Variants in DLG3 observed in about 807,000 individuals in gnomAD.
DLG3 encodes the protein discs large MAGUK scaffold protein 3, also known as disks large homolog 3.
Under a neutral mutation model 64.1 loss-of-function variants are expected in DLG3, and 1 was observed. That is an observed-to-expected ratio of 0.02 (90% CI 0.01 to 0.07). The LOEUF (loss-of-function observed/expected upper bound fraction) is 0.07. DLG3 is among the 10% of genes least tolerant of loss of function. The pLI is 1.00. For missense variants in DLG3, 429 were observed against 669.5 expected (o/e 0.64, Z 3.96); for synonymous variants, 245 against 259.8 (o/e 0.94, Z 0.55).
chrX:70,480,833 C>A (rs190740712), intron 10 of DLG3, among the ~76,000 whole-genome samples: 25 of 112,195 alleles, frequency 2.2e-4, no homozygotes, highest in South Asian at 3.8e-4. Flanking sequence ...CTCCGCCTAT[C>A]CTGTGTTAGA....
intron 9 of DLG3, among the ~76,000 whole-genome samples, chrX:70,475,224 T>C (rs776731801): frequency 1.3e-3 from 146 of 111,784 alleles, no homozygotes; most frequent in Admixed American, 4.2e-3. Flanking sequence ...GCAGCATTGA[T>C]TGTAATATTA....
At chrX:70,448,168 T>C (rs920083804) in intron 1 of DLG3, among the ~76,000 whole-genome samples, 1 of 112,450 alleles carries the variant, frequency 8.9e-6, no homozygotes, top group African/African-American at 3.2e-5. Flanking sequence ...GAAAGAGGTA[T>C]AGAGTGAAGA....
chrX:70,446,918 G>A (rs1218291885), intron 1 of DLG3, among the ~76,000 whole-genome samples: 3 of 112,201 alleles, frequency 2.7e-5, no homozygotes, highest in Non-Finnish European at 3.8e-5. Flanking sequence ...GCAAAGGTGG[G>A]GACTTCCTGG....
At chrX:70,467,734 A>G (rs1460884631) in intron 9 of DLG3, among the ~76,000 whole-genome samples, 1 of 112,397 alleles carries the variant, frequency 8.9e-6, no homozygotes, top group East Asian at 2.8e-4. Flanking sequence ...CTTCTTATCA[A>G]GTGTACCCAC....
chrX:70,467,846 G>A (rs1196437276), intron 9 of DLG3, among the ~76,000 whole-genome samples: 1 of 111,532 alleles, frequency 9.0e-6, no homozygotes, highest in Non-Finnish European at 1.9e-5. Flanking sequence ...TGGCTTATGG[G>A]TTGCAAGAGC....
chrX:70,500,385 G>A (rs1156490875), intron 16 of DLG3, 86 bp from the exon 17 acceptor site: 5 of 758,686 alleles, frequency 6.6e-6, no homozygotes, highest in Non-Finnish European at 8.0e-6. Context: ...CCCCGGCCAA[G>A]GTGGATGTTT....
At chrX:70,467,355 G>T (rs2086902101) in intron 9 of DLG3, among the ~76,000 whole-genome samples, 1 of 112,024 alleles carries the variant, frequency 8.9e-6, no homozygotes, top group Admixed American at 9.5e-5. Flanking sequence ...CTGCATTTTT[G>T]AAGTACCACC....
At chrX:70,502,038 T>C in intron 18 of DLG3, 125 bp from the exon 19 acceptor site, 4 of 540,220 alleles carry the variant, frequency 7.4e-6, no homozygotes, top group South Asian at 2.6e-5. Flanking sequence ...TGGGAACATG[T>C]CCTTCATGTG....
chrX:70,494,478 A>G (rs1355139435), intron 12 of DLG3, among the ~76,000 whole-genome samples: 1 of 111,860 alleles, frequency 8.9e-6, no homozygotes, highest in Non-Finnish European at 1.9e-5. Flanking sequence ...TGTGTAAGTC[A>G]TTGCTATCTG....
rs758631454 is a variant in DLG3, at chrX:70,479,262, C to G, written c.1518C>G (p.Val506=). 29 of 1,191,049 alleles carry G rather than the reference C, an allele frequency of 2.4e-5. No homozygotes were observed. The highest frequency in any genetic ancestry group is 3.3e-5 in the Non-Finnish European group (29 of 877,721). ...CAAGTGAAAAGAGGTCCTTGTATGT[C>G]AGGTAAGTTGCCCTTCAGAGCACTA... is the stretch of plus-strand genomic sequence containing the variant. ...LRTSEKRSLY[V]RALFDYDRTR... The change falls in exon 10 of 19, where the codon GTC becomes GTG. Residue 506 remains valine, a splice_region_variant and synonymous_variant. Coordinates refer to ENST00000374360, the MANE Select transcript of DLG3 (RefSeq NM_021120.4).
At chrX:70,495,742 A>G (rs141847796) in intron 13 of DLG3, among the ~76,000 whole-genome samples, 1 of 111,935 alleles carries the variant, frequency 8.9e-6, no homozygotes, top group African/African-American at 3.2e-5. Context: ...GTAAGCTTGA[A>G]ATGTTTCTCC....
In DLG3 at chrX:70,501,413, C is replaced by CTGTCTGTGTGTGTGTG. The variant is rs1421730747; in HGVS notation, c.2347+427_2347+428insCTGTGTGTGTGTGTGT. ...TCTGTTGGGGTGTCTGTCTGTCTGTCTGTGTGTGTGTGTGTGTGTGTGTGT... is the reference window on the plus strand; with the variant it reads ...TCTGTTGGGGTGTCTGTCTGTCTGTCTGTCTGTGTGTGTGTGTGTGTGTGTGTGTGTGTGTGTGTGT... On this transcript the variant is annotated intron_variant, in intron 18 of 18. Coordinates refer to ENST00000374360, the MANE Select transcript of DLG3 (RefSeq NM_021120.4). 9.7e-3 allele frequency among the ~76,000 whole-genome samples: 910 copies of CTGTCTGTGTGTGTGTG among 93,798 alleles called. 8 individuals are homozygous for CTGTCTGTGTGTGTGTG. Among genetic ancestry groups the CTGTCTGTGTGTGTGTG allele is most frequent in the Middle Eastern group, 0.022 (4 of 182 alleles). 81.5% of individuals were successfully genotyped at this position (93,798 alleles called of 115,157 possible).
chrX:70,450,431 G>C, intron 5 of DLG3, 126 bp downstream of exon 5: 1 of 1,008,156 alleles, frequency 9.9e-7, no homozygotes, highest in Non-Finnish European at 1.3e-6. Context: ...GTTATCATCT[G>C]TGTTGTGTTT....
intron 9 of DLG3, among the ~76,000 whole-genome samples, chrX:70,461,743 A>G (rs1310657199): frequency 1.8e-5 from 2 of 110,631 alleles, no homozygotes; most frequent in Non-Finnish European, 3.8e-5. Flanking sequence ...GTATTTTTGT[A>G]GAGACGAGGT....
rs139190959 is a variant in DLG3 at position 70,492,054 on chromosome X, T to C, written c.1521-53T>C. 6.0e-4 allele frequency: 681 copies of C among 1,135,378 alleles called. 9 individuals are homozygous for C. In the East Asian group the frequency reaches 0.018, roughly 30 times the overall value. 93.6% of individuals were successfully genotyped at this position (1,135,378 alleles called of 1,213,427 possible). A position where few individuals can be genotyped will look rare whatever the true frequency, so the allele number is the denominator to read the frequency against. On this transcript the variant is annotated intron_variant, in intron 10 of 18. Coordinates refer to ENST00000374360, the MANE Select transcript of DLG3 (RefSeq NM_021120.4). Reference sequence around the variant, plus strand: ...GCCTTCCATCTTTTCAAGGTGCCAGTGTCTTGGCATTTAGGGTTGGATGAT... The same window carrying C: ...GCCTTCCATCTTTTCAAGGTGCCAGCGTCTTGGCATTTAGGGTTGGATGAT...
chrX:70,488,853 A>G (rs2087304763), intron 10 of DLG3, among the ~76,000 whole-genome samples: 1 of 112,622 alleles, frequency 8.9e-6, no homozygotes, highest in Non-Finnish European at 1.9e-5. Context: ...AACCTCAGAT[A>G]CTACATTTCT....
chrX:70,489,580 G>A lies in DLG3; in HGVS notation c.1521-2527G>A, dbSNP rs190202240. ...GGCCTCCCAAAGTGCTGGGATTACA[G>A]GCGTGAGCCACCCCACCCAGCCGGA... On this transcript the variant is annotated intron_variant, in intron 10 of 18. Coordinates refer to ENST00000374360, the MANE Select transcript of DLG3 (RefSeq NM_021120.4). Among the ~76,000 whole-genome samples the A allele has an allele frequency of 9.4e-3, 1,049 of 112,115 alleles. 13 individuals are homozygous for A. The highest frequency in any genetic ancestry group is 0.032 in the African/African-American group (990 of 30,878).
At chrX:70,493,938 T>G (rs1355595377) in intron 12 of DLG3, among the ~76,000 whole-genome samples, 1 of 112,688 alleles carries the variant, frequency 8.9e-6, no homozygotes, top group Non-Finnish European at 1.9e-5. Context: ...AAGAGCCTTT[T>G]CTTCCCAGGA....
Position 70,450,781 on chromosome X carries a change from G to T in DLG3, c.983G>T (p.Ser328Ile). The T allele has an allele frequency of 8.3e-7, 1 of 1,211,845 alleles. No individual in the cohort carries two copies. Among genetic ancestry groups the T allele is most frequent in the Non-Finnish European group, 1.1e-6 (1 of 895,545 alleles). ...NDMYAPPDYA[S>I]TFTALADNHI... is the part of the protein sequence containing the mutation. ...ATGTACGCTCCCCCTGACTACGCCA[G>T]CAGTACGTACTCATCAGCCCCTGTC... The change falls in exon 6 of 19, where the codon AGC (serine) becomes ATC (isoleucine). Residue 328 changes from serine to isoleucine, a missense_variant and splice_region_variant. Coordinates refer to ENST00000374360, the MANE Select transcript of DLG3 (RefSeq NM_021120.4).
Sources: allele counts gnomAD v4.1 joint callset (sites outside exome capture counted in the v4.1 genomes callset), GRCh38; gene constraint gnomAD v4.1.1; transcripts MANE v1.5; gene names NCBI Gene and HGNC (gene_info 2026-07-23, HGNC 2026-07-21).